Variants in KIF23 observed in about 807,000 individuals in gnomAD.
KIF23 encodes the protein kinesin-like protein KIF23.
In KIF23, 30 loss-of-function variants were observed where a neutral mutation model predicts 137.5. The ratio of observed to expected loss-of-function variants is 0.22; its 90% CI spans 0.16 to 0.30. The LOEUF (loss-of-function observed/expected upper bound fraction) is 0.30, where lower values mean the gene tolerates loss of function less well. Among genes scored for constraint, KIF23 ranks in the 10% least tolerant of loss-of-function variants. KIF23 has a pLI of 1.00. For missense variants in KIF23, 920 were observed against 1,194.3 expected, an observed-to-expected ratio of 0.77 and a Z score of 3.38; for synonymous variants, 367 against 391.1, an observed-to-expected ratio of 0.94 and a Z score of 0.73.
At position 69,446,581 on chromosome 15, in the gene KIF23, T is replaced by C. The variant is rs531066847; in HGVS notation, c.2838+217T>C. 17 of 618,626 alleles carry C rather than the reference T, an allele frequency of 2.7e-5. No individual in the cohort carries two copies. In the Admixed American group the frequency reaches 5.0e-4, roughly 18 times the overall value. 38.3% of individuals were successfully genotyped at this position (618,626 alleles called of 1,614,324 possible). ...TGAGGAGAATCTCTTGGAAAGAACA[T>C]GGGAAGGTAGGGGTCAGGAGGCTAA... On this transcript the variant is annotated intron_variant, in intron 22 of 23. Coordinates refer to ENST00000679126, the MANE Select transcript of KIF23 (RefSeq NM_001367805.3).
rs1030620995 is a variant in KIF23, at chr15:69,425,294, C to T, written c.747C>T (p.Cys249=). 4 of 1,535,816 alleles carry T rather than the reference C, an allele frequency of 2.6e-6. No individual in the cohort carries two copies. The highest frequency in any genetic ancestry group is 3.5e-6 in the Non-Finnish European group (4 of 1,146,802). The change falls in exon 8 of 24, where the codon TGC becomes TGT. Residue 249 remains cysteine, a synonymous_variant. Coordinates refer to ENST00000679126, the MANE Select transcript of KIF23 (RefSeq NM_001367805.3). ...FDPIKPKWNS[C]STPMRNTDFV... is the part of the protein sequence containing the mutation. Reference sequence around the variant, plus strand: ...ATTCCTTTGGTAGGTGGAACAGTTGCAGCACACCCATGAGGAACACAGATT... The same window carrying T: ...ATTCCTTTGGTAGGTGGAACAGTTGTAGCACACCCATGAGGAACACAGATT...
At chr15:69,426,528 G>A in intron 10 of KIF23, 71 bp downstream of exon 10, 3 of 1,531,162 alleles carry the variant, frequency 2.0e-6, no homozygotes, top group Non-Finnish European at 2.7e-6. Context: ...GAGTAATCCA[G>A]CCAACATGGC....
In KIF23 at chr15:69,440,994, G is replaced by A. The variant is rs750403346; in HGVS notation, c.2336G>A (p.Arg779Lys). ...AAAACTTGTATCGTGTCAGACAGAAGGCGAGGGATGTACTGGACTGAAGGC... is the reference window on the plus strand; with the variant it reads ...AAAACTTGTATCGTGTCAGACAGAAAGCGAGGGATGTACTGGACTGAAGGC... ...QSKTCIVSDR[R>K]RGMYWTEGRE... Residue 779 changes from arginine (R) to lysine (K), a missense_variant, in exon 19 of 24, where the codon AGG becomes AAG. Physicochemically the swap from Arg to Lys is conservative, Grantham distance 26. Transcript: ENST00000679126. 6 of 1,614,214 alleles carry A rather than the reference G, an allele frequency of 3.7e-6. No individual in the cohort carries two copies. In the African/African-American group the frequency reaches 4.0e-5, roughly 11 times the overall value.
At chr15:69,438,765 C>T (rs1406750945) in intron 16 of KIF23, among the ~76,000 whole-genome samples, 27 of 151,788 alleles carry the variant, frequency 1.8e-4, no homozygotes, top group Non-Finnish European at 3.5e-4. Flanking sequence ...TGAGCCACTG[C>T]ACTCCAGCCT....
At chr15:69,436,376 A>G (rs2057480965) in intron 14 of KIF23, 115 bp downstream of exon 14, 3 of 1,372,082 alleles carry the variant, frequency 2.2e-6, no homozygotes, top group South Asian at 2.9e-5. Context: ...AGAACCAAGC[A>G]CATAATAATT....
chr15:69,440,243 G>T, intron 17 of KIF23, 65 bp from the exon 18 acceptor site: 1 of 1,537,584 alleles, frequency 6.5e-7, no homozygotes, highest in South Asian at 1.2e-5. Flanking sequence ...AAAGAGATTG[G>T]GTAATCTGGT....
At chr15:69,414,913 A>G in intron 1 of KIF23, 1 of 166,212 alleles carries the variant, frequency 6.0e-6, no homozygotes, top group Non-Finnish European at 1.3e-5. Flanking sequence ...TGTGCTGGGC[A>G]TTGGTTAGAT....
At chr15:69,430,021 C>T (rs2057315343) in intron 11 of KIF23, among the ~76,000 whole-genome samples, 1 of 151,590 alleles carries the variant, frequency 6.6e-6, no homozygotes, top group African/African-American at 2.4e-5. Context: ...TCAAAAACAA[C>T]AACAACAACA....
At position 69,426,160 on chromosome 15, in the gene KIF23, G is replaced by A. The variant is rs1484938321; in HGVS notation, c.867G>A (p.Glu289=). The A allele has an allele frequency of 1.2e-6, 2 of 1,608,796 alleles. No homozygotes were observed. The highest frequency in any genetic ancestry group is 1.7e-6 in the Non-Finnish European group (2 of 1,178,716). Residue 289 remains glutamate (E), a synonymous_variant, in exon 9 of 24, where the codon GAG becomes GAA. Transcript: ENST00000679126. ...CTEVEVKSTE[E]AFEVFWRGQK... Reference sequence around the variant, plus strand: ...AAGTTGAAGTGAAATCTACTGAGGAGGCTTTTGAAGTTTTCTGGAGAGGTT... The same window carrying A: ...AAGTTGAAGTGAAATCTACTGAGGAAGCTTTTGAAGTTTTCTGGAGAGGTT...
At position 69,435,649 on chromosome 15, in the gene KIF23, T is replaced by A; in HGVS notation, c.1195-3T>A. On this transcript the variant is annotated splice_region_variant and splice_polypyrimidine_tract_variant and intron_variant, in intron 12 of 23. Transcript: ENST00000679126. ...ACACATTTGGATATGAATGTCTTTG[T>A]AGATGGTTCCATATCGAGATTCAAA... The A allele has an allele frequency of 5.0e-6, 8 of 1,613,608 alleles. No individual in the cohort carries two copies. Among genetic ancestry groups the A allele is most frequent in the Non-Finnish European group, 6.8e-6 (8 of 1,179,910 alleles).
chr15:69,424,519 G>A lies in KIF23; in HGVS notation c.735-763G>A, dbSNP rs117425317. Among the ~76,000 whole-genome samples, 14 of 152,268 alleles carry A rather than the reference G, an allele frequency of 9.2e-5. No individual in the cohort carries two copies. In the East Asian group the frequency reaches 2.7e-3, roughly 29 times the overall value. On this transcript the variant is annotated intron_variant, in intron 7 of 23. Transcript: ENST00000679126. Reference sequence around the variant, plus strand: ...ACATGGAAGAGTTAAAACCTTGTGAGACAGTTACTTTTTATTTATTTTTGA... The same window carrying A: ...ACATGGAAGAGTTAAAACCTTGTGAAACAGTTACTTTTTATTTATTTTTGA...
intron 11 of KIF23, chr15:69,434,656 C>T (rs2057429923): frequency 4.8e-6 from 7 of 1,470,448 alleles, no homozygotes; most frequent in Non-Finnish European, 6.6e-6. Context: ...TGGAGGATGT[C>T]TCACCCTCCT....
intron 11 of KIF23, among the ~76,000 whole-genome samples, chr15:69,430,933 G>A (rs2057342013): frequency 6.6e-6 from 1 of 152,158 alleles, no homozygotes; most frequent in Non-Finnish European, 1.5e-5. Flanking sequence ...CATAGCTTGT[G>A]TCTTTATACT....
chr15:69,423,950 A>G (rs1311855123), intron 7 of KIF23, among the ~76,000 whole-genome samples: 4 of 152,112 alleles, frequency 2.6e-5, no homozygotes, highest in African/African-American at 4.8e-5. Context: ...TAATATTAGT[A>G]TCTTGTTCCT....
At position 69,444,197 on chromosome 15, in the gene KIF23, A is replaced by G. The variant is rs927314023; in HGVS notation, c.2422-593A>G. The G allele has an allele frequency of 1.3e-5, 2 of 152,044 alleles. No individual in the cohort carries two copies. The highest frequency in any genetic ancestry group is 2.9e-5 in the Non-Finnish European group (2 of 68,048). 9.4% of individuals were successfully genotyped at this position (152,044 alleles called of 1,614,324 possible). A position where few individuals can be genotyped will look rare whatever the true frequency, so the allele number is the denominator to read the frequency against. On this transcript the variant is annotated intron_variant, in intron 19 of 23. Coordinates refer to ENST00000679126, the MANE Select transcript of KIF23 (RefSeq NM_001367805.3). This position sits in a 1 kb window ranked among gnomAD's most constrained non-coding sequence, Gnocchi z 4.2. ...GGAACCTGTATGAAATGTTTGGGGG[A>G]AAAATTAGTTGGTATATTGTAGCCA...
intron 2 of KIF23, 45 bp from the exon 3 acceptor site, chr15:69,417,338 C>T: frequency 1.3e-6 from 2 of 1,510,888 alleles, no homozygotes; most frequent in Non-Finnish European, 8.9e-7. Context: ...AAAAATCAGG[C>T]AAAAGGTCGA....
intron 18 of KIF23, 106 bp from the exon 19 acceptor site, chr15:69,440,662 A>AT: frequency 1.8e-6 from 2 of 1,132,432 alleles, no homozygotes; most frequent in South Asian, 3.6e-5. Flanking sequence ...AGAACAAATA[A>AT]TTATTTGTAA....
chr15:69,426,516 T>TA (rs751952206), intron 10 of KIF23, 59 bp downstream of exon 10: 34 of 1,580,866 alleles, frequency 2.2e-5, no homozygotes, highest in Non-Finnish European at 2.5e-5. Flanking sequence ...TTTTTGGAAT[T>TA]AGAGTAATCC....
At position 69,434,538 on chromosome 15, in the gene KIF23, C is replaced by T. The variant is rs935430290; in HGVS notation, c.1115-945C>T. The T allele has an allele frequency of 4.5e-5, 40 of 884,412 alleles. No individual in the cohort carries two copies. The African/African-American group carries it at 6.4e-4, about 14-fold the overall frequency. 54.8% of individuals were successfully genotyped at this position (884,412 alleles called of 1,614,324 possible). On this transcript the variant is annotated intron_variant, in intron 11 of 23. Transcript: ENST00000679126. ...ATGCCAGCCTGGATCTCATAGTTTT[C>T]TTTAACTGGTTCAACTCCCTTTGTT...
Sources: gnomAD v4.1 joint callset for allele counts (sites outside exome capture counted in the v4.1 genomes callset) on GRCh38, gnomAD v4.1.1 for gene constraint, Gnocchi (gnomAD v3.1) non-coding constraint, MANE v1.5 for transcripts, NCBI Gene and HGNC (gene_info 2026-07-23, HGNC 2026-07-21) for gene names.